The following SH3GL2 variants were observed in gnomAD, a reference collection of about 807,000 sequenced individuals.
SH3GL2 encodes SH3 domain containing GRB2 like 2, endophilin A1, also known as endophilin-A1.
In SH3GL2, 24 loss-of-function variants were observed where a neutral mutation model predicts 46.0. That is an observed-to-expected ratio of 0.52 (90% CI 0.38 to 0.73). The LOEUF (loss-of-function observed/expected upper bound fraction) is 0.73, where lower values mean the gene tolerates loss of function less well. SH3GL2 is among the 30% of genes least tolerant of loss of function. The pLI is 0.00. For synonymous variants in SH3GL2, 196 were observed against 147.1 expected, an observed-to-expected ratio of 1.33 and a Z score of -2.40; for missense variants, 413 against 424.2, an observed-to-expected ratio of 0.97 and a Z score of 0.23.
intron 1 of SH3GL2, among the ~76,000 whole-genome samples, chr9:17,649,831 C>G (rs1819912400): frequency 6.6e-6 from 1 of 152,042 alleles, no homozygotes; most frequent in Admixed American, 6.6e-5. Context: ...CGTGTCAAAC[C>G]AATTTGTTAT....
chr9:17,695,764 A>G (rs1821187516), intron 1 of SH3GL2, among the ~76,000 whole-genome samples: 1 of 152,066 alleles, frequency 6.6e-6, no homozygotes, highest in African/African-American at 2.4e-5. Context: ...AAGCACAGAA[A>G]AATCTATCCA....
chr9:17,661,883 ATG>A (rs751565184), intron 1 of SH3GL2, among the ~76,000 whole-genome samples: 2 of 152,194 alleles, frequency 1.3e-5, no homozygotes, highest in Non-Finnish European at 2.9e-5. Context: ...TGAATGTAAA[ATG>A]TGTGTTATAA....
chr9:17,654,296 T>A (rs757143620), intron 1 of SH3GL2, among the ~76,000 whole-genome samples: 2 of 152,208 alleles, frequency 1.3e-5, no homozygotes, highest in Non-Finnish European at 2.9e-5. Context: ...CTGTGGTGAT[T>A]ATAACATATT....
intron 1 of SH3GL2, among the ~76,000 whole-genome samples, chr9:17,698,980 C>G (rs142090193): frequency 6.6e-6 from 1 of 151,718 alleles, no homozygotes; most frequent in Admixed American, 6.6e-5. Context: ...CATGGTGAAA[C>G]CCCGTCTCTA....
chr9:17,728,196 G>A (rs367765328), intron 1 of SH3GL2, among the ~76,000 whole-genome samples: 4 of 152,080 alleles, frequency 2.6e-5, no homozygotes, highest in Non-Finnish European at 5.9e-5. Context: ...TTAGGAACCT[G>A]ACTCTTGTGG....
intron 1 of SH3GL2, among the ~76,000 whole-genome samples, chr9:17,716,509 T>A (rs1821764144): frequency 6.6e-6 from 1 of 152,166 alleles, no homozygotes; most frequent in Non-Finnish European, 1.5e-5. Context: ...GGTTTTCCAG[T>A]ATGTGCAGTG....
chr9:17,684,306 C>T (rs1820848295), intron 1 of SH3GL2, among the ~76,000 whole-genome samples: 1 of 152,004 alleles, frequency 6.6e-6, no homozygotes, highest in Admixed American at 6.6e-5. Flanking sequence ...ATGAACGATG[C>T]TTTTGATACC....
intron 1 of SH3GL2, among the ~76,000 whole-genome samples, chr9:17,737,351 T>A (rs117355682): frequency 0.064 from 9,660 of 152,054 alleles, 399 homozygotes; most frequent in East Asian, 0.11. Flanking sequence ...TAAAATATAA[T>A]TTTAAAAAAT....
intron 1 of SH3GL2, among the ~76,000 whole-genome samples, chr9:17,695,485 G>A (rs953990069): frequency 6.6e-6 from 1 of 151,986 alleles, no homozygotes; most frequent in South Asian, 2.1e-4. Flanking sequence ...TAAGGTTTTC[G>A]GTGTCACATA....
chr9:17,579,326 G>T, intron 1 of SH3GL2, 39 bp downstream of exon 1: 2 of 1,451,888 alleles, frequency 1.4e-6, no homozygotes, highest in Non-Finnish European at 1.9e-6. Flanking sequence ...GCAGTCCGGG[G>T]CGAAGCTGCG....
intron 2 of SH3GL2, among the ~76,000 whole-genome samples, chr9:17,750,517 G>C (rs1822812936): frequency 6.6e-6 from 1 of 152,050 alleles, no homozygotes. Flanking sequence ...TCCTGCGGCT[G>C]TGCTGTCTCT....
intron 1 of SH3GL2, among the ~76,000 whole-genome samples, chr9:17,715,884 T>G (rs1185595976): frequency 6.6e-6 from 1 of 152,068 alleles, no homozygotes; most frequent in Non-Finnish European, 1.5e-5. Context: ...CAAAGCCTAT[T>G]TTGTAAGAAA....
chr9:17,793,925 A>G (rs1824203751), intron 8 of SH3GL2, among the ~76,000 whole-genome samples: 1 of 152,212 alleles, frequency 6.6e-6, no homozygotes, highest in Non-Finnish European at 1.5e-5. Flanking sequence ...CATATAACCC[A>G]CAGACAGCAA....
intron 3 of SH3GL2, among the ~76,000 whole-genome samples, chr9:17,775,000 T>A (rs894920833): frequency 6.6e-6 from 1 of 152,172 alleles, no homozygotes; most frequent in Non-Finnish European, 1.5e-5. Flanking sequence ...TCTTTGTGAG[T>A]TAGTCTTGGT....
At chr9:17,684,298 G>C (rs1026574938) in intron 1 of SH3GL2, among the ~76,000 whole-genome samples, 1 of 152,026 alleles carries the variant, frequency 6.6e-6, no homozygotes, top group Non-Finnish European at 1.5e-5. Context: ...TAACAGAGAT[G>C]AACGATGCTT....
At chr9:17,628,706 C>T (rs552910386) in intron 1 of SH3GL2, among the ~76,000 whole-genome samples, 1 of 151,626 alleles carries the variant, frequency 6.6e-6, no homozygotes, top group East Asian at 1.9e-4. Flanking sequence ...CCAAAAAGTT[C>T]TGGGTAGATT....
At chr9:17,781,855 C>T (rs1011020236) in intron 3 of SH3GL2, among the ~76,000 whole-genome samples, 1 of 152,098 alleles carries the variant, frequency 6.6e-6, no homozygotes, top group African/African-American at 2.4e-5. Context: ...CCCAGCCTTA[C>T]TCTTTCAGGT....
intron 1 of SH3GL2, among the ~76,000 whole-genome samples, chr9:17,674,277 A>T (rs549180066): frequency 2.3e-3 from 352 of 150,320 alleles, no homozygotes; most frequent in Non-Finnish European, 3.7e-3. Context: ...TTATTTATTT[A>T]TTTTTTTAAG....
intron 2 of SH3GL2, among the ~76,000 whole-genome samples, chr9:17,760,179 A>G (rs1328466607): frequency 6.6e-5 from 10 of 152,224 alleles, no homozygotes; most frequent in Admixed American, 6.5e-4. Context: ...TACAAGATTT[A>G]TATGTAGACA....
Sources: gnomAD v4.1 joint callset for allele counts (sites outside exome capture counted in the v4.1 genomes callset) on GRCh38, gnomAD v4.1.1 for gene constraint, MANE v1.5 for transcripts, NCBI Gene and HGNC (gene_info 2026-07-23, HGNC 2026-07-21) for gene names.